Variants in SLC35F1 observed in about 807,000 individuals in gnomAD.
SLC35F1 encodes the protein chromosome 6 open reading frame 169.
SLC35F1 carries 14 observed loss-of-function variants against 48.7 expected under a neutral mutation model. The ratio of observed to expected loss-of-function variants is 0.29; its 90% confidence interval spans 0.19 to 0.45. The LOEUF is 0.45. SLC35F1 is among the 20% of genes least tolerant of loss of function. The probability of loss-of-function intolerance (pLI) is 1.00; values close to 1 mark genes in which losing one functional copy is unlikely to be tolerated. For synonymous variants in SLC35F1, 190 were observed against 202.2 expected, an observed-to-expected ratio of 0.94 and a Z score of 0.51; for missense variants, 404 against 500.0, an observed-to-expected ratio of 0.81 and a Z score of 1.83.
chr6:118,227,723 C>G (rs913229704), intron 2 of SLC35F1, among the ~76,000 whole-genome samples: 1 of 151,672 alleles, frequency 6.6e-6, no homozygotes, highest in East Asian at 1.9e-4. Flanking sequence ...TGGGCAAAAA[C>G]AAAACAAAAC....
At chr6:118,000,865 T>G (rs1777081954) in intron 1 of SLC35F1, among the ~76,000 whole-genome samples, 1 of 152,040 alleles carries the variant, frequency 6.6e-6, no homozygotes, top group Admixed American at 6.6e-5. Flanking sequence ...TCAAAGAGAA[T>G]AAAATACCTA....
At chr6:118,024,497 G>A (rs191566994) in intron 1 of SLC35F1, among the ~76,000 whole-genome samples, 6 of 152,280 alleles carry the variant, frequency 3.9e-5, no homozygotes, top group Admixed American at 3.3e-4. Flanking sequence ...CTTTCTAATA[G>A]TGAAATATAA....
chr6:118,116,402 G>C (rs1582674270), intron 1 of SLC35F1, among the ~76,000 whole-genome samples: 1 of 152,176 alleles, frequency 6.6e-6, no homozygotes. Flanking sequence ...AAGATCCCTG[G>C]AGTATAGAAT....
At chr6:118,127,291 G>A (rs1456528597) in intron 1 of SLC35F1, among the ~76,000 whole-genome samples, 5 of 152,142 alleles carry the variant, frequency 3.3e-5, no homozygotes, top group Non-Finnish European at 7.3e-5. Flanking sequence ...ATTAATTGAT[G>A]TGTGTATATT....
chr6:117,966,103 C>A (rs1161222229), intron 1 of SLC35F1, among the ~76,000 whole-genome samples: 2 of 134,354 alleles, frequency 1.5e-5, no homozygotes, highest in East Asian at 4.7e-4. Context: ...GTAGGTTGGG[C>A]CAAATAAGGG....
At chr6:117,953,838 G>A (rs1776393342) in intron 1 of SLC35F1, among the ~76,000 whole-genome samples, 1 of 152,076 alleles carries the variant, frequency 6.6e-6, no homozygotes, top group African/African-American at 2.4e-5. Context: ...GTCATAATGG[G>A]GCACAAAGCA....
intron 1 of SLC35F1, among the ~76,000 whole-genome samples, chr6:117,958,047 T>C (rs1776449298): frequency 6.6e-6 from 1 of 152,164 alleles, no homozygotes; most frequent in Non-Finnish European, 1.5e-5. Flanking sequence ...TGGGACAAGA[T>C]GTGGAGTGGA....
chr6:118,153,777 C>T (rs887348186), intron 1 of SLC35F1, among the ~76,000 whole-genome samples: 13 of 152,146 alleles, frequency 8.5e-5, no homozygotes, highest in Non-Finnish European at 1.8e-4. Context: ...ATCTCTTTCA[C>T]GAATAGCAGT....
At chr6:118,056,030 GTAATAGGTCTA>G (rs1342884565) in intron 1 of SLC35F1, among the ~76,000 whole-genome samples, 1 of 152,186 alleles carries the variant, frequency 6.6e-6, no homozygotes, top group Non-Finnish European at 1.5e-5. Context: ...CTAGGTTTGG[GTAATAGGTCTA>G]TCAACAAGAC....
intron 1 of SLC35F1, among the ~76,000 whole-genome samples, chr6:117,978,565 T>C (rs1279941142): frequency 6.6e-6 from 1 of 152,224 alleles, no homozygotes; most frequent in African/African-American, 2.4e-5. Context: ...CCCTTCACGT[T>C]ATTTTCTTCA....
chr6:118,064,357 T>C (rs528266111), intron 1 of SLC35F1, among the ~76,000 whole-genome samples: 76 of 152,360 alleles, frequency 5.0e-4, no homozygotes, highest in African/African-American at 1.8e-3. Flanking sequence ...GTGAGCATTT[T>C]AATTTAATGA....
At chr6:118,149,465 G>T (rs1774023763) in intron 1 of SLC35F1, among the ~76,000 whole-genome samples, 1 of 152,174 alleles carries the variant, frequency 6.6e-6, no homozygotes, top group Non-Finnish European at 1.5e-5. Context: ...AGGGGGTATA[G>T]TTAGCAGAGT....
At chr6:117,961,690 G>A (rs1442453204) in intron 1 of SLC35F1, among the ~76,000 whole-genome samples, 1 of 152,124 alleles carries the variant, frequency 6.6e-6, no homozygotes, top group Non-Finnish European at 1.5e-5. Flanking sequence ...CCGTTCTGAA[G>A]TCTCACATTA....
At chr6:117,966,745 T>C (rs1241493792) in intron 1 of SLC35F1, among the ~76,000 whole-genome samples, 5 of 152,192 alleles carry the variant, frequency 3.3e-5, no homozygotes, top group Admixed American at 1.3e-4. Flanking sequence ...GTTTCCTGTG[T>C]CCAAATTTCC....
chr6:118,235,139 C>T (rs937261077), intron 2 of SLC35F1, among the ~76,000 whole-genome samples: 6 of 152,096 alleles, frequency 3.9e-5, no homozygotes, highest in African/African-American at 1.4e-4. Context: ...TATCACAATC[C>T]TGAAATTTAG....
chr6:117,921,970 A>T (rs534133127), intron 1 of SLC35F1, among the ~76,000 whole-genome samples: 1 of 152,206 alleles, frequency 6.6e-6, no homozygotes, highest in Non-Finnish European at 1.5e-5. Context: ...ACAACAACAA[A>T]AAAAGATTTC....
chr6:118,013,367 A>G (rs1777277077), intron 1 of SLC35F1, among the ~76,000 whole-genome samples: 1 of 152,146 alleles, frequency 6.6e-6, no homozygotes. Context: ...ACAAGGTCAG[A>G]TGGGGTGAGA....
chr6:118,213,005 A>C (rs1775026221), intron 2 of SLC35F1, among the ~76,000 whole-genome samples: 1 of 152,210 alleles, frequency 6.6e-6, no homozygotes, highest in East Asian at 1.9e-4. Context: ...AAGAACACTG[A>C]GAGGTGGGAT....
chr6:118,049,596 C>CA (rs1257017138), intron 1 of SLC35F1, among the ~76,000 whole-genome samples: 1 of 150,830 alleles, frequency 6.6e-6, no homozygotes, highest in Non-Finnish European at 1.5e-5. Context: ...TTTATGCAGC[C>CA]AAAAAACACA....
Sources: allele counts gnomAD v4.1 joint callset (sites outside exome capture counted in the v4.1 genomes callset), GRCh38; gene constraint gnomAD v4.1.1; transcripts MANE v1.5; gene names NCBI Gene and HGNC (gene_info 2026-07-23, HGNC 2026-07-21).